PPP2R1B: variants seen among roughly 807,000 people sequenced by gnomAD.
The protein encoded by PPP2R1B is serine/threonine-protein phosphatase 2A 65 kDa regulatory subunit A beta isoform.
A neutral mutation model predicts 72.7 loss-of-function variants in PPP2R1B; 58 were observed. The ratio of observed to expected loss-of-function variants is 0.80; its 90% confidence interval spans 0.65 to 0.99. The LOEUF is 0.99. PPP2R1B is among the 50% of genes least tolerant of loss of function. PPP2R1B has a pLI of 0.00. For synonymous variants in PPP2R1B, 256 were observed against 264.6 expected (o/e 0.97, Z 0.32); for missense variants, 695 against 733.6 (o/e 0.95, Z 0.61).
At chr11:111,726,700 T>G, downstream of PPP2R1B, 1 of 477,298 alleles carries the variant, frequency 2.1e-6, no homozygotes, top group Non-Finnish European at 3.8e-6. Flanking sequence ...AGTTTTCTCT[T>G]CATCACTACT....
At chr11:111,759,019 T>G (rs4936682) in intron 5 of PPP2R1B, among the ~76,000 whole-genome samples, 38,659 of 152,092 alleles carry the variant, frequency 0.25, 5,157 homozygotes, top group Middle Eastern at 0.3. Context: ...CCAAAAGGAC[T>G]ATTCTAGAGT....
chr11:111,755,040 G>A lies in PPP2R1B; in HGVS notation c.898C>T (p.Gln300Ter). 6.2e-7 allele frequency: 1 copy of A among 1,614,142 alleles called. No homozygotes were observed. Among genetic ancestry groups the A allele is most frequent in the Non-Finnish European group, 8.5e-7 (1 of 1,179,990 alleles). Residue 300 changes from glutamine (Q) to a stop codon, truncating the protein, a stop_gained, in exon 7 of 15, where the codon CAG (glutamine) becomes TAG (stop). Coordinates refer to ENST00000527614, the MANE Select transcript of PPP2R1B (RefSeq NM_002716.5). LOFTEE classifies it high-confidence loss of function. Reference protein sequence around the residue: ...ITLNDLIPAFQNLLKDCEAEV... With the variant: ...ITLNDLIPAF ...GCTTCACAGTCTTTAAGTAGGTTCT[G>A]AAAGGCGGGGATGAGGTCATTTAGG... is the stretch of plus-strand genomic sequence containing the variant.
Position 111,764,810 on chromosome 11 carries a change from G to A in PPP2R1B, c.301C>T (p.Leu101=), listed in dbSNP as rs782053477. 26 of 1,613,852 alleles carry A rather than the reference G, an allele frequency of 1.6e-5. No individual in the cohort carries two copies. Among genetic ancestry groups the A allele is most frequent in the Middle Eastern group, 1.6e-4 (1 of 6,084 alleles). Residue 101 remains leucine (L), a synonymous_variant, in exon 3 of 15, where the codon CTG becomes TTG. Coordinates refer to ENST00000527614, the MANE Select transcript of PPP2R1B (RefSeq NM_002716.5). ...LVGGPDFAHC[L]LPPLENLATV... is the part of the protein sequence containing the mutation. ...GGCAGCTTATAAATACTCACCAGCA[G>A]ACAGTGGGCAAAGTCAGGACCTCCC...
At chr11:111,701,415 C>T in the PPP2R1B span, 1 of 1,597,502 alleles carries the variant, frequency 6.3e-7, no homozygotes, top group Non-Finnish European at 8.6e-7. This position sits in a 1 kb window ranked among gnomAD's most constrained non-coding sequence, Gnocchi z 4.2. Flanking sequence ...GTTTGACGTT[C>T]TTGGTAGAAA....
chr11:111,692,388 A>AAAAAAAAAAAAAAAAAAAC, the PPP2R1B span, among the ~76,000 whole-genome samples: 1 of 110,916 alleles, frequency 9.0e-6, no homozygotes, highest in Non-Finnish European at 2.0e-5. Flanking sequence ...AAAAAAAAAA[A>AAAAAAAAAAAAAAAAAAAC]CACAAAAAGG....
chr11:111,693,871 A>G, the PPP2R1B span, among the ~76,000 whole-genome samples: 1 of 152,212 alleles, frequency 6.6e-6, no homozygotes, highest in African/African-American at 2.4e-5. Context: ...AATAGGTCAG[A>G]GTATGGGCTG....
downstream of PPP2R1B, among the ~76,000 whole-genome samples, chr11:111,733,073 C>A (rs1366806783): frequency 6.6e-6 from 1 of 152,188 alleles, no homozygotes. Context: ...GGCACACCTG[C>A]CTCCCCCCAG....
rs782291527 is a variant in PPP2R1B at position 111,755,047 on chromosome 11, G to A, written c.891C>T (p.Pro297=). The A allele has an allele frequency of 1.2e-5, 19 of 1,613,954 alleles. No individual in the cohort carries two copies. The highest frequency in any genetic ancestry group is 5.0e-5 in the Admixed American group (3 of 59,994). The change falls in exon 7 of 15, where the codon CCC becomes CCT. Residue 297 remains proline (P), a synonymous_variant. Coordinates refer to ENST00000527614, the MANE Select transcript of PPP2R1B (RefSeq NM_002716.5). ...AGTCTTTAAGTAGGTTCTGAAAGGC[G>A]GGGATGAGGTCATTTAGGGTGATTT... ...GPKITLNDLI[P]AFQNLLKDCE... is the part of the protein sequence containing the mutation.
chr11:111,755,560 T>C, intron 5 of PPP2R1B, 110 bp from the exon 6 acceptor site: 1 of 984,200 alleles, frequency 1.0e-6, no homozygotes, highest in Non-Finnish European at 1.4e-6. Flanking sequence ...CTGCCACACC[T>C]TATATAGTTT....
chr11:111,699,439 A>G, the PPP2R1B span, among the ~76,000 whole-genome samples: 5 of 152,154 alleles, frequency 3.3e-5, no homozygotes, highest in Non-Finnish European at 7.3e-5. Context: ...GGCATTTTAC[A>G]TTCTTATTCT....
In PPP2R1B at chr11:111,765,163, C is replaced by T. The variant is rs1945476326; in HGVS notation, c.205+131G>A. 5 of 1,052,358 alleles carry T rather than the reference C, an allele frequency of 4.8e-6. No homozygotes were observed. The Admixed American group carries it at 7.1e-5, about 15-fold the overall frequency. The allele number at this position is 1,052,358 out of a possible 1,614,324, so 65.2% of individuals were successfully genotyped here. On this transcript the variant is annotated intron_variant, in intron 2 of 14. Coordinates refer to ENST00000527614, the MANE Select transcript of PPP2R1B (RefSeq NM_002716.5). Reference sequence around the variant, plus strand: ...ATCTAGCCACAACTAACAATATACTCTGTTCTGTTTCTTTTGCACAAAAAA... The same window carrying T: ...ATCTAGCCACAACTAACAATATACTTTGTTCTGTTTCTTTTGCACAAAAAA...
the PPP2R1B span, among the ~76,000 whole-genome samples, chr11:111,719,315 T>C: frequency 2.0e-5 from 3 of 151,410 alleles, no homozygotes; most frequent in Non-Finnish European, 4.4e-5. Flanking sequence ...CCTTCCATTA[T>C]GTTTATGGTT....
the PPP2R1B span, among the ~76,000 whole-genome samples, chr11:111,714,489 G>A: frequency 2.0e-5 from 3 of 152,216 alleles, no homozygotes; most frequent in African/African-American, 4.8e-5. Flanking sequence ...GTGCAGGGGA[G>A]AAACTGGTGA....
In PPP2R1B at chr11:111,739,839, T is replaced by C; in HGVS notation, c.*1757A>G. The stretch of plus-strand genomic sequence containing the variant: ...TTAAAATGAGAATATAGAAAAAGAT[T>C]TGTGCTTAGGAAAATACTTAATTCT... On this transcript the variant is annotated 3_prime_UTR_variant, in exon 15 of 15. Coordinates refer to ENST00000527614, the MANE Select transcript of PPP2R1B (RefSeq NM_002716.5). 1 of 974,174 alleles carries C rather than the reference T, an allele frequency of 1.0e-6. No homozygotes were observed. The highest frequency in any genetic ancestry group is 4.8e-5 in the South Asian group (1 of 21,018). The allele number at this position is 974,174 out of a possible 1,614,324, so 60.3% of individuals were successfully genotyped here.
At chr11:111,720,537 A>G in the PPP2R1B span, 1 of 1,614,022 alleles carries the variant, frequency 6.2e-7, no homozygotes, top group Non-Finnish European at 8.5e-7. Flanking sequence ...TGAGTATGAT[A>G]TGGGGTCTGT....
chr11:111,725,339 C>T (rs1943932229), downstream of PPP2R1B: 2 of 152,582 alleles, frequency 1.3e-5, no homozygotes, highest in Admixed American at 6.5e-5. Flanking sequence ...TCAAGTATTA[C>T]AGCAATATTC....
chr11:111,752,109 T>C (rs781891336), intron 10 of PPP2R1B, 50 bp downstream of exon 10: 5 of 1,514,116 alleles, frequency 3.3e-6, no homozygotes, highest in Non-Finnish European at 4.4e-6. Context: ...CCATGGTAAA[T>C]TGTCACTATC....
chr11:111,760,189 C>T (rs1945273720), intron 4 of PPP2R1B, among the ~76,000 whole-genome samples: 1 of 152,194 alleles, frequency 6.6e-6, no homozygotes. Flanking sequence ...GGTAGGAGGA[C>T]TGCTTGAGGC....
chr11:111,766,084 T>C (rs1945524574), intron 1 of PPP2R1B, 164 bp downstream of exon 1: 1 of 683,880 alleles, frequency 1.5e-6, no homozygotes, highest in East Asian at 2.8e-5. Flanking sequence ...TCGGGGCGTG[T>C]CACCACAGCC....
Sources: gnomAD v4.1 joint callset for allele counts (sites outside exome capture counted in the v4.1 genomes callset) on GRCh38, gnomAD v4.1.1 for gene constraint, Gnocchi (gnomAD v3.1) non-coding constraint, MANE v1.5 for transcripts, NCBI Gene and HGNC (gene_info 2026-07-23, HGNC 2026-07-21) for gene names.